Variants in TSHZ2 observed in about 807,000 individuals in gnomAD.
TSHZ2 encodes teashirt homolog 2.
A neutral mutation model predicts 74.4 loss-of-function variants in TSHZ2; 21 were observed. The ratio of observed to expected loss-of-function variants is 0.28; its 90% CI spans 0.20 to 0.41. The LOEUF (loss-of-function observed/expected upper bound fraction) is 0.41. Among genes scored for constraint, TSHZ2 ranks in the 10% least tolerant of loss-of-function variants. The probability of loss-of-function intolerance (pLI) is 1.00; values close to 1 mark genes in which losing one functional copy is unlikely to be tolerated. For synonymous variants in TSHZ2, 540 were observed against 515.3 expected (o/e 1.05, Z -0.65); for missense variants, 1,244 against 1,293.5 (o/e 0.96, Z 0.59).
rs191983430 is a variant in TSHZ2, at chr20:53,472,974, G to C, written c.*9-14170G>C. On this transcript the variant is annotated intron_variant, in intron 2 of 2. Transcript: ENST00000371497. ...GGGCTTAAAAAACGGCGCACCACGA[G>C]ATTATATCCCGCACCTGGCTGGGAG... 7.3e-3 allele frequency among the ~76,000 whole-genome samples: 1,105 copies of C among 152,146 alleles called. 10 individuals carry two copies. The highest frequency in any genetic ancestry group is 0.011 in the Non-Finnish European group (719 of 68,020).
intron 1 of TSHZ2, among the ~76,000 whole-genome samples, chr20:53,144,394 A>G (rs1987486615): frequency 6.6e-6 from 1 of 152,210 alleles, no homozygotes; most frequent in Admixed American, 6.5e-5. Flanking sequence ...CCAGGAATGA[A>G]CAATGACAGC....
At chr20:53,024,374 A>G (rs1983359182) in intron 1 of TSHZ2, among the ~76,000 whole-genome samples, 1 of 151,200 alleles carries the variant, frequency 6.6e-6, no homozygotes, top group Non-Finnish European at 1.5e-5. Context: ...CCTTGGAACC[A>G]GGCATACGTG....
At chr20:53,049,836 C>T (rs1284336818) in intron 1 of TSHZ2, among the ~76,000 whole-genome samples, 1 of 152,042 alleles carries the variant, frequency 6.6e-6, no homozygotes, top group East Asian at 1.9e-4. Context: ...AATCTCAGCA[C>T]TTTGGGAAGC....
At chr20:53,352,889 C>A (rs1178049883) in intron 2 of TSHZ2, among the ~76,000 whole-genome samples, 1 of 151,884 alleles carries the variant, frequency 6.6e-6, no homozygotes, top group East Asian at 1.9e-4. Context: ...TAAAAATTGA[C>A]TCACATGGGC....
At chr20:53,481,174 C>T (rs1986137398) in intron 2 of TSHZ2, among the ~76,000 whole-genome samples, 1 of 152,160 alleles carries the variant, frequency 6.6e-6, no homozygotes, top group Non-Finnish European at 1.5e-5. Flanking sequence ...AACAACAGTT[C>T]TCTTATTCCC....
intron 1 of TSHZ2, among the ~76,000 whole-genome samples, chr20:53,045,980 A>G (rs903215556): frequency 6.6e-5 from 10 of 152,166 alleles, no homozygotes; most frequent in African/African-American, 2.4e-4. Flanking sequence ...CCTGTCTTAT[A>G]AATCAAAAGG....
At chr20:53,377,429 T>C (rs986591211) in intron 2 of TSHZ2, among the ~76,000 whole-genome samples, 35 of 152,250 alleles carry the variant, frequency 2.3e-4, no homozygotes, top group African/African-American at 8.2e-4. Context: ...GGCTCTCTCT[T>C]GTTTATCCAG....
At chr20:53,342,624 C>G (rs1980252682) in intron 2 of TSHZ2, among the ~76,000 whole-genome samples, 1 of 152,156 alleles carries the variant, frequency 6.6e-6, no homozygotes. Flanking sequence ...GCACTGTAGA[C>G]ACTCACGTAT....
At chr20:53,086,147 G>T (rs1985693355) in intron 1 of TSHZ2, among the ~76,000 whole-genome samples, 5 of 152,166 alleles carry the variant, frequency 3.3e-5, no homozygotes, top group Admixed American at 2.6e-4. Context: ...TTGTAAGGAA[G>T]AATAACTCTC....
chr20:53,375,047 T>A (rs1600589672), intron 2 of TSHZ2, among the ~76,000 whole-genome samples: 1 of 152,176 alleles, frequency 6.6e-6, no homozygotes, highest in East Asian at 1.9e-4. Flanking sequence ...GAGAATTACA[T>A]ATACACATGT....
At position 53,244,670 on chromosome 20, in the gene TSHZ2, T is replaced by C. The variant is rs145994942; in HGVS notation, c.41-8829T>C. Among the ~76,000 whole-genome samples the C allele has an allele frequency of 4.6e-5, 7 of 152,332 alleles. No individual in the cohort carries two copies. The East Asian group carries it at 1.4e-3, about 29-fold the overall frequency. ...CTTGGAGACCTTCTGCTTTAAACAT[T>C]TGTCACCTCTCTCAGTGCAAAGCCC... is the stretch of plus-strand genomic sequence containing the variant. On this transcript the variant is annotated intron_variant, in intron 1 of 2. Coordinates refer to ENST00000371497, the MANE Select transcript of TSHZ2 (RefSeq NM_173485.6).
chr20:53,167,725 G>T (rs1988095630), intron 1 of TSHZ2, among the ~76,000 whole-genome samples: 1 of 152,160 alleles, frequency 6.6e-6, no homozygotes, highest in South Asian at 2.1e-4. Flanking sequence ...GTTTGAATGA[G>T]AGGTGCAAGT....
At chr20:53,063,801 T>C (rs759777792) in intron 1 of TSHZ2, among the ~76,000 whole-genome samples, 1 of 152,036 alleles carries the variant, frequency 6.6e-6, no homozygotes, top group Admixed American at 6.5e-5. Context: ...AGGGGAAAAA[T>C]TAAAATAGAT....
chr20:53,239,879 T>G (rs1367262713), intron 1 of TSHZ2, among the ~76,000 whole-genome samples: 1 of 152,170 alleles, frequency 6.6e-6, no homozygotes, highest in Admixed American at 6.6e-5. Context: ...TAAAAATGTA[T>G]CTAATTTGTA....
chr20:53,229,793 G>T (rs915558062), intron 1 of TSHZ2, among the ~76,000 whole-genome samples: 10 of 150,724 alleles, frequency 6.6e-5, no homozygotes, highest in Non-Finnish European at 1.3e-4. Context: ...GAGGAGGGAG[G>T]GAGGGAGGAA....
chr20:53,314,123 A>C (rs1978899557), intron 2 of TSHZ2, among the ~76,000 whole-genome samples: 1 of 151,996 alleles, frequency 6.6e-6, no homozygotes, highest in Non-Finnish European at 1.5e-5. Context: ...CCCCATCTCT[A>C]CTAAAAATAC....
chr20:53,048,461 C>T (rs1023479928), intron 1 of TSHZ2, among the ~76,000 whole-genome samples: 4 of 152,196 alleles, frequency 2.6e-5, no homozygotes, highest in Non-Finnish European at 2.9e-5. Context: ...ATCTCCCCTT[C>T]GCTTGTCTTT....
intron 1 of TSHZ2, among the ~76,000 whole-genome samples, chr20:53,040,778 C>A (rs1406887300): frequency 6.6e-6 from 1 of 152,174 alleles, no homozygotes; most frequent in Admixed American, 6.5e-5. Flanking sequence ...GCGGTGTCTT[C>A]CAGCTGATCC....
At chr20:53,007,624 T>A (rs1982691146) in intron 1 of TSHZ2, among the ~76,000 whole-genome samples, 1 of 152,026 alleles carries the variant, frequency 6.6e-6, no homozygotes, top group African/African-American at 2.4e-5. Flanking sequence ...TGTGTGTGTG[T>A]GAGTATGTGT....
Sources: gnomAD v4.1 joint callset for allele counts (sites outside exome capture counted in the v4.1 genomes callset) on GRCh38, gnomAD v4.1.1 for gene constraint, MANE v1.5 for transcripts, NCBI Gene and HGNC (gene_info 2026-07-23, HGNC 2026-07-21) for gene names.